Variants in RFX3 observed in about 807,000 individuals in gnomAD.
RFX3 encodes transcription factor RFX3.
RFX3 carries 14 observed loss-of-function variants against 98.6 expected under a neutral mutation model. That is an observed-to-expected ratio of 0.14 (90% CI 0.09 to 0.22). The LOEUF (loss-of-function observed/expected upper bound fraction) is 0.22. RFX3 is among the 10% of genes least tolerant of loss of function. The probability of loss-of-function intolerance (pLI) is 1.00; values close to 1 mark genes in which losing one functional copy is unlikely to be tolerated. For synonymous variants in RFX3, 383 were observed against 328.4 expected, an observed-to-expected ratio of 1.17 and a Z score of -1.80; for missense variants, 639 against 926.9, an observed-to-expected ratio of 0.69 and a Z score of 4.03.
At chr9:3,429,274 G>A (rs1844423150) in intron 1 of RFX3, among the ~76,000 whole-genome samples, 1 of 150,806 alleles carries the variant, frequency 6.6e-6, no homozygotes, top group Admixed American at 6.6e-5. Context: ...CGCCCGTCTC[G>A]GCCTCCCAAA....
In RFX3 at chr9:3,232,179, T is replaced by C. The variant is rs562848746; in HGVS notation, c.1969-3290A>G. On this transcript the variant is annotated intron_variant, in intron 15 of 16. Transcript: ENST00000617270. ...TATTATGAAGTTGCAGCATCACAAATTGGGAAAACTTACTGTTTTGTAATT... is the reference window on the plus strand; with the variant it reads ...TATTATGAAGTTGCAGCATCACAAACTGGGAAAACTTACTGTTTTGTAATT... 1.3e-3 allele frequency among the ~76,000 whole-genome samples: 203 copies of C among 152,252 alleles called. 1 individual carries two copies. Among genetic ancestry groups the C allele is most frequent in the African/African-American group, 4.8e-3 (200 of 41,552 alleles).
chr9:3,422,766 A>G (rs1161172028), intron 1 of RFX3, among the ~76,000 whole-genome samples: 1 of 152,192 alleles, frequency 6.6e-6, no homozygotes, highest in Admixed American at 6.5e-5. Flanking sequence ...ACTATGTAAG[A>G]TATCTGCTAT....
At chr9:3,393,200 T>C (rs958426385) in intron 2 of RFX3, among the ~76,000 whole-genome samples, 1 of 152,004 alleles carries the variant, frequency 6.6e-6, no homozygotes, top group Non-Finnish European at 1.5e-5. Flanking sequence ...GAGGTAAATA[T>C]CAGAATAACA....
chr9:3,477,515 G>C (rs1008981314), intron 1 of RFX3, among the ~76,000 whole-genome samples: 3 of 152,112 alleles, frequency 2.0e-5, no homozygotes, highest in East Asian at 3.8e-4. Flanking sequence ...CTAGCCTCCA[G>C]GGTTTCTCGT....
At chr9:3,403,138 T>C (rs1329550305) in intron 1 of RFX3, among the ~76,000 whole-genome samples, 1 of 152,148 alleles carries the variant, frequency 6.6e-6, no homozygotes, top group Non-Finnish European at 1.5e-5. Flanking sequence ...TTGCTTCACC[T>C]ACGAATATAA....
chr9:3,248,410 G>A (rs576605542), intron 14 of RFX3, among the ~76,000 whole-genome samples: 21 of 152,284 alleles, frequency 1.4e-4, no homozygotes, highest in African/African-American at 4.8e-4. Context: ...AAGATAGATA[G>A]TCTTAATGGA....
rs573202644 is a variant in RFX3 at position 3,424,401 on chromosome 9, G to A, written c.-8-28805C>T. Among the ~76,000 whole-genome samples, 410 of 106,378 alleles carry A rather than the reference G, an allele frequency of 3.9e-3. 1 individual carries two copies. The highest frequency in any genetic ancestry group is 8.3e-3 in the Admixed American group (58 of 6,952). 69.8% of individuals were successfully genotyped at this position (106,378 alleles called of 152,430 possible). The stretch of plus-strand genomic sequence containing the variant: ...TTTTGAGACGGAGTCTCGCTCTGTC[G>A]CCCAGGCTGGAGTGCAGTGGCGCGA... On this transcript the variant is annotated intron_variant, in intron 1 of 16. Coordinates refer to ENST00000617270, the MANE Select transcript of RFX3 (RefSeq NM_001282116.2).
chr9:3,390,299 A>C (rs1840170563), intron 2 of RFX3, among the ~76,000 whole-genome samples: 1 of 152,194 alleles, frequency 6.6e-6, no homozygotes. Flanking sequence ...GTCAAAGTGT[A>C]AAAGATACCC....
rs1838441440 is a variant in RFX3 at position 3,376,007 on chromosome 9, A to AAAGTTTCT, written c.117+19464_117+19465insAGAAACTT. Among the ~76,000 whole-genome samples the AAAGTTTCT allele has an allele frequency of 2.0e-5, 3 of 152,306 alleles. No homozygotes were observed. The South Asian group carries it at 6.2e-4, about 32-fold the overall frequency. On this transcript the variant is annotated intron_variant, in intron 2 of 16. Transcript: ENST00000617270. The stretch of plus-strand genomic sequence containing the variant: ...AATTAGGTACTTACTACTTTAAATA[A>AAAGTTTCT]AAGTAGAAAGGGAAGAATAGTAAGC...
chr9:3,459,496 T>C (rs923810997), intron 1 of RFX3, among the ~76,000 whole-genome samples: 5 of 152,130 alleles, frequency 3.3e-5, no homozygotes, highest in African/African-American at 1.2e-4. Flanking sequence ...GGCACTCCTC[T>C]ATTATGAAGA....
intron 13 of RFX3, among the ~76,000 whole-genome samples, chr9:3,261,542 A>G (rs1316035730): frequency 2.0e-5 from 3 of 152,108 alleles, no homozygotes; most frequent in Non-Finnish European, 4.4e-5. Context: ...TTATCTATTA[A>G]TCAGTTGACG....
intron 1 of RFX3, among the ~76,000 whole-genome samples, chr9:3,464,146 C>A (rs1365985661): frequency 2.0e-5 from 3 of 152,112 alleles, no homozygotes; most frequent in Non-Finnish European, 4.4e-5. Flanking sequence ...ACTGTTAATA[C>A]CAAGTGTTGA....
At chr9:3,291,733 C>G (rs1447499930) in intron 6 of RFX3, among the ~76,000 whole-genome samples, 3 of 152,074 alleles carry the variant, frequency 2.0e-5, no homozygotes, top group Non-Finnish European at 4.4e-5. Context: ...CTACAACACT[C>G]ACTCCTCTTT....
At chr9:3,495,648 C>G (rs955078200) in intron 1 of RFX3, among the ~76,000 whole-genome samples, 1 of 151,994 alleles carries the variant, frequency 6.6e-6, no homozygotes, top group Non-Finnish European at 1.5e-5. Flanking sequence ...AGTACTGTTT[C>G]CCCTGGCTCT....
intron 1 of RFX3, among the ~76,000 whole-genome samples, chr9:3,406,231 G>C (rs536821001): frequency 6.6e-6 from 1 of 151,948 alleles, no homozygotes; most frequent in African/African-American, 2.4e-5. Context: ...CCAAAATCCT[G>C]GGATTACAGA....
At chr9:3,340,529 T>G (rs1307584844) in intron 3 of RFX3, among the ~76,000 whole-genome samples, 1 of 151,962 alleles carries the variant, frequency 6.6e-6, no homozygotes, top group Non-Finnish European at 1.5e-5. Flanking sequence ...ATATCCAGAA[T>G]CCGCAATGAA....
At chr9:3,284,241 C>T (rs1826286446) in intron 7 of RFX3, among the ~76,000 whole-genome samples, 1 of 151,636 alleles carries the variant, frequency 6.6e-6, no homozygotes, top group Non-Finnish European at 1.5e-5. Context: ...ATATACATGC[C>T]AATACTCTCT....
intron 1 of RFX3, among the ~76,000 whole-genome samples, chr9:3,424,346 G>T (rs943960719): frequency 8.0e-6 from 1 of 124,570 alleles, no homozygotes; most frequent in Non-Finnish European, 1.7e-5. Context: ...TTACATAATT[G>T]ACTTTTTTTT....
chr9:3,483,503 A>T (rs1220445561), intron 1 of RFX3, among the ~76,000 whole-genome samples: 1 of 152,230 alleles, frequency 6.6e-6, no homozygotes, highest in East Asian at 1.9e-4. Context: ...GAGGGAAAAG[A>T]AGTGACAACA....
Sources: gnomAD v4.1 joint callset for allele counts (sites outside exome capture counted in the v4.1 genomes callset) on GRCh38, gnomAD v4.1.1 for gene constraint, MANE v1.5 for transcripts, NCBI Gene and HGNC (gene_info 2026-07-23, HGNC 2026-07-21) for gene names.